The following CCDC85C variants were observed in gnomAD, a reference collection of about 807,000 sequenced individuals.
CCDC85C encodes the protein coiled-coil domain containing 85C, also known as coiled-coil domain-containing protein 85C.
A neutral mutation model predicts 38.3 loss-of-function variants in CCDC85C; 18 were observed. That is an observed-to-expected ratio of 0.47 (90% CI 0.33 to 0.70). The LOEUF is 0.70. CCDC85C is among the 30% of genes least tolerant of loss of function. CCDC85C has a pLI of 0.03. For synonymous variants in CCDC85C, 264 were observed against 293.8 expected (o/e 0.90, Z 1.04); for missense variants, 566 against 621.2 (o/e 0.91, Z 0.94).
intron 1 of CCDC85C, among the ~76,000 whole-genome samples, chr14:99,537,698 C>T (rs1441649673): frequency 2.0e-5 from 3 of 152,188 alleles, no homozygotes; most frequent in Admixed American, 1.3e-4. Context: ...CCAGGCAGAC[C>T]ACCCCTGCCC....
Position 99,501,295 on chromosome 14 carries a change from C to G in CCDC85C, c.*13951G>C, listed in dbSNP as rs186971252. 1.7e-5 allele frequency: 19 copies of G among 1,087,126 alleles called. No individual in the cohort carries two copies. The East Asian group carries it at 4.2e-4, about 24-fold the overall frequency. 67.3% of individuals were successfully genotyped at this position (1,087,126 alleles called of 1,614,324 possible). On this transcript the variant is annotated 3_prime_UTR_variant, in exon 6 of 6. Coordinates refer to ENST00000380243, the MANE Select transcript of CCDC85C (RefSeq NM_001144995.2). The stretch of plus-strand genomic sequence containing the variant: ...ACACGTGGTAGGTTTTTAATAAATA[C>G]TTGATGCTGCCTGTGAATTTTTCTA...
In CCDC85C at chr14:99,516,698, GCTCAGGTGTGCACAGC is replaced by G. The variant is rs1191141610; in HGVS notation, c.1071+374_1071+389del. On this transcript the variant is annotated intron_variant, in intron 4 of 5. Coordinates refer to ENST00000380243, the MANE Select transcript of CCDC85C (RefSeq NM_001144995.2). The surrounding 1 kb of genome is among the most constrained non-coding windows in gnomAD (Gnocchi z 5.5). ...AGGGGGGCATGGGAGTGGGGACTGT[GCTCAGGTGTGCACAGC>G]CTGGAGGAACCGGAGCCCATCGGAC... Among the ~76,000 whole-genome samples the G allele has an allele frequency of 6.6e-6, 1 of 152,156 alleles. No individual in the cohort carries two copies. Among genetic ancestry groups the G allele is most frequent in the Non-Finnish European group, 1.5e-5 (1 of 68,022 alleles).
intron 1 of CCDC85C, among the ~76,000 whole-genome samples, chr14:99,595,394 G>A (rs1300051613): frequency 1.3e-5 from 2 of 152,114 alleles, no homozygotes; most frequent in South Asian, 2.1e-4. Flanking sequence ...TTACAGGCGC[G>A]TGCCACCACA....
chr14:99,535,211 G>A lies in CCDC85C; in HGVS notation c.867+804C>T, dbSNP rs1032379826. ...CCCTGCGGTTGGTTCCCAGAGAGAC[G>A]CCTTGGGTATCCCAGGCTGACCGCT... On this transcript the variant is annotated intron_variant, in intron 2 of 5. Coordinates refer to ENST00000380243, the MANE Select transcript of CCDC85C (RefSeq NM_001144995.2). This position sits in a 1 kb window ranked among gnomAD's most constrained non-coding sequence, Gnocchi z 5.5. Among the ~76,000 whole-genome samples the A allele has an allele frequency of 1.3e-5, 2 of 152,204 alleles. No individual in the cohort carries two copies. Among genetic ancestry groups the A allele is most frequent in the African/African-American group, 2.4e-5 (1 of 41,454 alleles).
chr14:99,570,211 C>T (rs1218170172), intron 1 of CCDC85C, among the ~76,000 whole-genome samples: 1 of 152,218 alleles, frequency 6.6e-6, no homozygotes, highest in East Asian at 1.9e-4. Context: ...AAAGTTCTAG[C>T]ATCTCCCCAC....
chr14:99,510,347 C>T lies in CCDC85C; in HGVS notation c.*4899G>A. The T allele has an allele frequency of 6.3e-7, 1 of 1,589,580 alleles. No homozygotes were observed. Among genetic ancestry groups the T allele is most frequent in the Non-Finnish European group, 8.6e-7 (1 of 1,167,806 alleles). On this transcript the variant is annotated 3_prime_UTR_variant, in exon 6 of 6. Coordinates refer to ENST00000380243, the MANE Select transcript of CCDC85C (RefSeq NM_001144995.2). The stretch of plus-strand genomic sequence containing the variant: ...ACATGACCGGGATGTCCACCACCAG[C>T]TCCTACATGTCTGGAGAGGGCTACC...
rs946139334 is a variant in CCDC85C at position 99,603,980 on chromosome 14, ATCGCCC to A, written c.-27_-22del. The A allele has an allele frequency of 4.2e-5, 55 of 1,306,540 alleles. No individual in the cohort carries two copies. In the East Asian group the frequency reaches 1.7e-3, roughly 40 times the overall value. The allele number at this position is 1,306,540 out of a possible 1,614,324, so 80.9% of individuals were successfully genotyped here. A position where few individuals can be genotyped will look rare whatever the true frequency, so the allele number is the denominator to read the frequency against. ...GCCATGGCGGGGCCGTCACCGCGGC[ATCGCCC>A]TCGCCCTCGCCCGGCCGGCGCTTCC... On this transcript the variant is annotated 5_prime_UTR_variant, in exon 1 of 6. It adds an upstream start codon to the 5' untranslated region. Transcript: ENST00000380243. The surrounding 1 kb of genome is among the most constrained non-coding windows in gnomAD (Gnocchi z 7.5).
intron 1 of CCDC85C, among the ~76,000 whole-genome samples, chr14:99,591,335 C>T (rs8009218): frequency 0.45 from 68,192 of 152,238 alleles, 17,022 homozygotes; most frequent in Non-Finnish European, 0.55. Context: ...CCCCCACATG[C>T]GCCCGCTCAA....
rs182888021 is a variant in CCDC85C, at chr14:99,520,162, C to T, written c.975+1971G>A. Among the ~76,000 whole-genome samples the T allele has an allele frequency of 4.4e-4, 67 of 152,282 alleles. 1 individual carries two copies. The highest frequency in any genetic ancestry group is 1.5e-3 in the African/African-American group (62 of 41,546). ...GACTCTCCAGCATGCCCTCAATGTG[C>T]CCATGACCCACAGGTAGCCTTAAAG... On this transcript the variant is annotated intron_variant, in intron 3 of 5. Coordinates refer to ENST00000380243, the MANE Select transcript of CCDC85C (RefSeq NM_001144995.2). This position sits in a 1 kb window ranked among gnomAD's most constrained non-coding sequence, Gnocchi z 4.1.
intron 1 of CCDC85C, among the ~76,000 whole-genome samples, chr14:99,563,521 A>G (rs1898157911): frequency 6.6e-6 from 1 of 152,276 alleles, no homozygotes; most frequent in South Asian, 2.1e-4. Flanking sequence ...TAACTCGGGC[A>G]GGTACATCCC....
At chr14:99,564,715 T>G (rs1178694904) in intron 1 of CCDC85C, among the ~76,000 whole-genome samples, 2 of 152,284 alleles carry the variant, frequency 1.3e-5, no homozygotes, top group African/African-American at 4.8e-5. Flanking sequence ...TGGCTGCTGG[T>G]TCGTCCAGGC....
chr14:99,575,549 A>G (rs1898456488), intron 1 of CCDC85C, among the ~76,000 whole-genome samples: 1 of 152,230 alleles, frequency 6.6e-6, no homozygotes, highest in Non-Finnish European at 1.5e-5. Flanking sequence ...ACCCACAAAC[A>G]TATGTGACCA....
chr14:99,534,933 G>C (rs968976031), intron 2 of CCDC85C: 2 of 574,778 alleles, frequency 3.5e-6, no homozygotes, highest in African/African-American at 3.8e-5. Flanking sequence ...GCGGGGTGTG[G>C]AGGAGAGTTC....
At chr14:99,542,145 G>A (rs186027700) in intron 1 of CCDC85C, among the ~76,000 whole-genome samples, 20 of 152,368 alleles carry the variant, frequency 1.3e-4, no homozygotes, top group Admixed American at 1.2e-3. Context: ...CAGCAGCTTG[G>A]CTGATTAAAT....
intron 1 of CCDC85C, among the ~76,000 whole-genome samples, 170 bp from the exon 2 acceptor site, chr14:99,536,258 A>G (rs1365882522): frequency 3.9e-5 from 6 of 152,314 alleles, no homozygotes; most frequent in African/African-American, 1.2e-4. Flanking sequence ...CTGTGGAAAC[A>G]GCACGGCCTG....
intron 1 of CCDC85C, among the ~76,000 whole-genome samples, chr14:99,559,933 G>T (rs1488141918): frequency 6.6e-6 from 1 of 151,984 alleles, no homozygotes. Flanking sequence ...GGACTGGGTT[G>T]CATGGGTCTG....
At chr14:99,534,876 A>C in intron 2 of CCDC85C, 1 of 611,204 alleles carries the variant, frequency 1.6e-6, no homozygotes. Context: ...CTTGCCATTC[A>C]GAGCTTGGCT....
At chr14:99,599,774 C>T (rs1439474074) in intron 1 of CCDC85C, among the ~76,000 whole-genome samples, 4 of 152,144 alleles carry the variant, frequency 2.6e-5, no homozygotes, top group Non-Finnish European at 5.9e-5. Context: ...TCCCAGGAGG[C>T]CGAGGCAAGA....
At chr14:99,574,528 G>A (rs564461301) in intron 1 of CCDC85C, among the ~76,000 whole-genome samples, 1 of 152,280 alleles carries the variant, frequency 6.6e-6, no homozygotes, top group South Asian at 2.1e-4. Context: ...TCCAGACCTT[G>A]GGCAGGGAGG....
Sources: allele counts gnomAD v4.1 joint callset (sites outside exome capture counted in the v4.1 genomes callset), GRCh38; gene constraint gnomAD v4.1.1; non-coding constraint Gnocchi (gnomAD v3.1); transcripts MANE v1.5; gene names NCBI Gene and HGNC (gene_info 2026-07-23, HGNC 2026-07-21).